ATF6: variants seen among roughly 807,000 people sequenced by gnomAD.
The protein encoded by ATF6 is activating transcription factor 6.
In ATF6, 53 loss-of-function variants were observed where a neutral mutation model predicts 83.6. The observed-to-expected ratio is 0.63, with a 90% CI of 0.51 to 0.80. ATF6 has a LOEUF of 0.80. ATF6 is among the 30% of genes least tolerant of loss of function. ATF6 has a pLI of 0.00. For missense variants in ATF6, 744 were observed against 797.9 expected, an observed-to-expected ratio of 0.93 and a Z score of 0.81; for synonymous variants, 288 against 285.8, an observed-to-expected ratio of 1.01 and a Z score of -0.08.
intron 12 of ATF6, 39 bp downstream of exon 12, chr1:161,853,362 T>G (rs750876525): frequency 5.9e-6 from 9 of 1,519,840 alleles, no homozygotes; most frequent in Non-Finnish European, 7.3e-6. Flanking sequence ...GTTGGCGTAT[T>G]TGTTGGAAGG....
chr1:161,770,204 A>G (rs1374992561), intron 1 of ATF6, among the ~76,000 whole-genome samples: 1 of 152,106 alleles, frequency 6.6e-6, no homozygotes, highest in African/African-American at 2.4e-5. Flanking sequence ...GGCTTCTTTC[A>G]CTTAGCAATA....
intron 15 of ATF6, among the ~76,000 whole-genome samples, chr1:161,925,552 C>T (rs992885146): frequency 6.6e-6 from 1 of 152,094 alleles, no homozygotes; most frequent in Non-Finnish European, 1.5e-5. Context: ...CAGAATACTC[C>T]AAACTTTCTT....
chr1:161,790,699 T>G (rs1427022020), intron 4 of ATF6, among the ~76,000 whole-genome samples: 3 of 152,012 alleles, frequency 2.0e-5, no homozygotes, highest in Non-Finnish European at 4.4e-5. Context: ...TGGTTGTAGC[T>G]ACTCGGGAGG....
At chr1:161,940,816 C>A (rs1450223551) in intron 15 of ATF6, among the ~76,000 whole-genome samples, 1 of 152,170 alleles carries the variant, frequency 6.6e-6, no homozygotes, top group African/African-American at 2.4e-5. Flanking sequence ...CCCACCTCGG[C>A]CTCCCAAAGT....
chr1:161,802,513 A>C (rs565575619), intron 7 of ATF6, among the ~76,000 whole-genome samples: 1 of 152,302 alleles, frequency 6.6e-6, no homozygotes, highest in Admixed American at 6.5e-5. Context: ...CAAAGTATGC[A>C]TACCTCCCTC....
intron 15 of ATF6, among the ~76,000 whole-genome samples, chr1:161,949,940 A>G (rs541232050): frequency 6.6e-6 from 1 of 152,364 alleles, no homozygotes; most frequent in East Asian, 1.9e-4. Context: ...ACAAATTTGA[A>G]GAACAGTTGT....
At chr1:161,885,522 C>T (rs1409340780) in intron 14 of ATF6, among the ~76,000 whole-genome samples, 1 of 151,966 alleles carries the variant, frequency 6.6e-6, no homozygotes, top group Non-Finnish European at 1.5e-5. Context: ...AATATATTTC[C>T]TACCTTTCCT....
intron 15 of ATF6, among the ~76,000 whole-genome samples, chr1:161,957,910 A>C (rs1414462215): frequency 6.6e-6 from 1 of 152,232 alleles, no homozygotes; most frequent in African/African-American, 2.4e-5. Context: ...GCAAACCTTT[A>C]AATTCATAGT....
chr1:161,847,668 T>C (rs1044463614), intron 10 of ATF6, among the ~76,000 whole-genome samples: 8 of 152,154 alleles, frequency 5.3e-5, no homozygotes, highest in African/African-American at 1.9e-4. Context: ...TAATAGTATA[T>C]TTAATTTTCA....
chr1:161,931,996 A>G (rs888522186), intron 15 of ATF6, among the ~76,000 whole-genome samples: 2 of 152,192 alleles, frequency 1.3e-5, no homozygotes, highest in African/African-American at 4.8e-5. Flanking sequence ...ATTTAAGTCT[A>G]TAATAGAAAA....
chr1:161,889,474 T>C (rs917168012), intron 14 of ATF6, among the ~76,000 whole-genome samples: 6 of 152,270 alleles, frequency 3.9e-5, no homozygotes, highest in African/African-American at 1.4e-4. Context: ...GAACCCAAGC[T>C]ATAACAACAT....
chr1:161,853,727 T>C (rs928079160), intron 12 of ATF6, among the ~76,000 whole-genome samples: 1 of 152,226 alleles, frequency 6.6e-6, no homozygotes, highest in African/African-American at 2.4e-5. Flanking sequence ...AATGAAGACA[T>C]CCATTTCTGA....
chr1:161,887,814 T>C (rs1687459224), intron 14 of ATF6, among the ~76,000 whole-genome samples: 1 of 152,158 alleles, frequency 6.6e-6, no homozygotes, highest in African/African-American at 2.4e-5. Flanking sequence ...GAGTGGTGTG[T>C]CAGTTATTGG....
chr1:161,956,782 G>A (rs1300154878), intron 15 of ATF6, among the ~76,000 whole-genome samples: 1 of 152,144 alleles, frequency 6.6e-6, no homozygotes, highest in Non-Finnish European at 1.5e-5. Flanking sequence ...AACAGAAGTG[G>A]AGGAATTATG....
intron 14 of ATF6, among the ~76,000 whole-genome samples, chr1:161,903,139 T>C (rs1687821527): frequency 6.6e-6 from 1 of 152,188 alleles, no homozygotes; most frequent in South Asian, 2.1e-4. Context: ...ACACACACAA[T>C]TAATCAGCAC....
chr1:161,895,514 T>C (rs527771236), intron 14 of ATF6, among the ~76,000 whole-genome samples: 3 of 152,362 alleles, frequency 2.0e-5, no homozygotes, highest in South Asian at 2.1e-4. Flanking sequence ...AGATAACAGA[T>C]ACATCCATTC....
chr1:161,826,544 ATCTT>A (rs1392974799), intron 9 of ATF6, among the ~76,000 whole-genome samples: 1 of 152,196 alleles, frequency 6.6e-6, no homozygotes, highest in Non-Finnish European at 1.5e-5. Context: ...TAAGATCTGT[ATCTT>A]TCTCTGTGTG....
chr1:161,834,708 T>C (rs561631740), intron 9 of ATF6, among the ~76,000 whole-genome samples: 1 of 151,860 alleles, frequency 6.6e-6, no homozygotes, highest in Non-Finnish European at 1.5e-5. Context: ...CACACCAACA[T>C]GGCACATGTA....
chr1:161,909,949 C>A (rs957984841), intron 14 of ATF6, among the ~76,000 whole-genome samples: 1 of 151,862 alleles, frequency 6.6e-6, no homozygotes, highest in Non-Finnish European at 1.5e-5. Flanking sequence ...GAGCAAGACT[C>A]CATCTCAAAA....
Sources: allele counts gnomAD v4.1 joint callset (sites outside exome capture counted in the v4.1 genomes callset), GRCh38; gene constraint gnomAD v4.1.1; transcripts MANE v1.5; gene names NCBI Gene and HGNC (gene_info 2026-07-23, HGNC 2026-07-21).